The following BMP2K variants were observed in gnomAD, a reference collection of about 807,000 sequenced individuals.
BMP2K encodes the protein BMP-2-inducible protein kinase.
Under a neutral mutation model 116.0 loss-of-function variants are expected in BMP2K, and 74 were observed. The observed-to-expected ratio is 0.64, with a 90% confidence interval of 0.53 to 0.77. BMP2K has a LOEUF of 0.77. Among genes scored for constraint, BMP2K ranks in the 30% least tolerant of loss-of-function variants. The pLI is 0.00. For missense variants in BMP2K, 1,365 were observed against 1,403.6 expected (o/e 0.97, Z 0.44); for synonymous variants, 486 against 502.5 (o/e 0.97, Z 0.44).
At chr4:78,905,587 A>C (rs1254121347) in intron 15 of BMP2K, among the ~76,000 whole-genome samples, 2 of 151,962 alleles carry the variant, frequency 1.3e-5, no homozygotes, top group African/African-American at 4.8e-5. Flanking sequence ...TACTTGAAGA[A>C]CAGCTATTTT....
intron 1 of BMP2K, among the ~76,000 whole-genome samples, chr4:78,797,312 AACTT>A (rs1728344867): frequency 6.6e-6 from 1 of 152,174 alleles, no homozygotes; most frequent in Non-Finnish European, 1.5e-5. Flanking sequence ...AAAGGAAAAA[AACTT>A]ACCCCAAAAG....
chr4:78,912,131 ATTCT>A lies in BMP2K; in HGVS notation c.*100_*103del, dbSNP rs1734669028. 1.9e-6 allele frequency: 2 copies of A among 1,054,394 alleles called. No individual in the cohort carries two copies. Among genetic ancestry groups the A allele is most frequent in the Admixed American group, 4.5e-5 (2 of 43,960 alleles). The allele number at this position is 1,054,394 out of a possible 1,614,324, so 65.3% of individuals were successfully genotyped here. A position where few individuals can be genotyped will look rare whatever the true frequency, so the allele number is the denominator to read the frequency against. On this transcript the variant is annotated 3_prime_UTR_variant, in exon 16 of 16. Transcript: ENST00000502613. The stretch of plus-strand genomic sequence containing the variant: ...AATTTGGTAGCTCTTTATAGCATTC[ATTCT>A]TAAAGATCAGTCAGAATAGGTGATT...
intron 1 of BMP2K, among the ~76,000 whole-genome samples, chr4:78,806,359 G>C (rs1728820433): frequency 6.6e-6 from 1 of 151,744 alleles, no homozygotes. Context: ...ATTTTTTTTT[G>C]TAGAGGTAGA....
In BMP2K at chr4:78,914,352, T is replaced by C. The variant is rs1237005278; in HGVS notation, c.*2319T>C. 1 of 152,076 alleles carries C rather than the reference T, an allele frequency of 6.6e-6. No individual in the cohort carries two copies. Among genetic ancestry groups the C allele is most frequent in the Admixed American group, 6.6e-5 (1 of 15,254 alleles). 9.4% of individuals were successfully genotyped at this position (152,076 alleles called of 1,614,324 possible). On this transcript the variant is annotated 3_prime_UTR_variant, in exon 16 of 16. Transcript: ENST00000502613. ...TTTACATTCTTATAACACAGCACAG[T>C]GACTTTCTTCTTTCAAGATTGTAGC...
rs375188192 is a variant in BMP2K, at chr4:78,915,349, GT to G, written c.*3320del. ...AGCTACTCTGCTTGGTTTATTTTAG[GT>G]TTTGGTACTTCACGTAAGCACTGTT... On this transcript the variant is annotated 3_prime_UTR_variant, in exon 16 of 16. Coordinates refer to ENST00000502613, the MANE Select transcript of BMP2K (RefSeq NM_198892.2). The G allele has an allele frequency of 1.2e-4, 18 of 152,030 alleles. No homozygotes were observed. Among genetic ancestry groups the G allele is most frequent in the African/African-American group, 4.3e-4 (18 of 41,532 alleles). The allele number at this position is 152,030 out of a possible 1,614,324, so 9.4% of individuals were successfully genotyped here. A position where few individuals can be genotyped will look rare whatever the true frequency, so the allele number is the denominator to read the frequency against.
At chr4:78,845,252 A>G (rs889193879) in intron 5 of BMP2K, among the ~76,000 whole-genome samples, 1 of 151,644 alleles carries the variant, frequency 6.6e-6, no homozygotes, top group Non-Finnish European at 1.5e-5. Flanking sequence ...TTTTTAGTCT[A>G]CATTGTAAAC....
chr4:78,776,369 A>G lies in BMP2K; in HGVS notation c.-175A>G, dbSNP rs1727227426. On this transcript the variant is annotated 5_prime_UTR_variant, in exon 1 of 16. Transcript: ENST00000502613. ...CCGGGCAGCTGCAGCGGAGCCGCGG[A>G]GCGGGCGGCGGGGCCCAGGCTGTGC... 3.0e-5 allele frequency: 16 copies of G among 532,966 alleles called. No individual in the cohort carries two copies. In the Admixed American group the frequency reaches 5.1e-4, roughly 17 times the overall value. The allele number at this position is 532,966 out of a possible 1,614,324, so 33.0% of individuals were successfully genotyped here.
At chr4:78,810,522 A>G (rs780681618) in intron 1 of BMP2K, among the ~76,000 whole-genome samples, 8 of 152,224 alleles carry the variant, frequency 5.3e-5, no homozygotes, top group Non-Finnish European at 1.2e-4. Flanking sequence ...CCCTGGTGAT[A>G]GGGCTTTTTG....
At chr4:78,839,565 CTTG>C (rs1473833437) in intron 3 of BMP2K, among the ~76,000 whole-genome samples, 11 of 152,046 alleles carry the variant, frequency 7.2e-5, no homozygotes, top group African/African-American at 2.7e-4. Flanking sequence ...ATTGAAAAAT[CTTG>C]TTGTATTAGT....
At chr4:78,874,142 C>T (rs932803003) in intron 13 of BMP2K, among the ~76,000 whole-genome samples, 2 of 151,856 alleles carry the variant, frequency 1.3e-5, no homozygotes, top group Non-Finnish European at 2.9e-5. Context: ...CATGCCACTG[C>T]ACTCCAGCCT....
chr4:78,792,953 A>G (rs1385222307), intron 1 of BMP2K, among the ~76,000 whole-genome samples: 1 of 152,184 alleles, frequency 6.6e-6, no homozygotes, highest in Non-Finnish European at 1.5e-5. Flanking sequence ...ATCTTTATGT[A>G]CTTCATTCAA....
chr4:78,885,879 CAG>C (rs1733051317), intron 14 of BMP2K, among the ~76,000 whole-genome samples: 1 of 152,110 alleles, frequency 6.6e-6, no homozygotes, highest in Admixed American at 6.5e-5. Flanking sequence ...GTTTTAGAGA[CAG>C]AGTCTCTCTG....
At chr4:78,807,610 G>C (rs1176355869) in intron 1 of BMP2K, among the ~76,000 whole-genome samples, 2 of 150,086 alleles carry the variant, frequency 1.3e-5, no homozygotes, top group African/African-American at 2.5e-5. Flanking sequence ...ACTTGTTATA[G>C]GTCTGTTTAA....
At chr4:78,831,362 A>G (rs907904895) in intron 2 of BMP2K, among the ~76,000 whole-genome samples, 4 of 152,250 alleles carry the variant, frequency 2.6e-5, no homozygotes, top group African/African-American at 7.2e-5. Flanking sequence ...AGCACATGCT[A>G]TTGGAAAAAT....
chr4:78,819,564 A>T (rs1464259353), intron 1 of BMP2K, among the ~76,000 whole-genome samples: 1 of 152,194 alleles, frequency 6.6e-6, no homozygotes, highest in African/African-American at 2.4e-5. Context: ...GAATAGTCCT[A>T]TGAGGAGATC....
rs1731221669 is a variant in BMP2K, at chr4:78,850,944, TA to T, written c.774del (p.Lys258AsnfsTer36). The T allele has an allele frequency of 6.2e-7, 1 of 1,612,240 alleles. No homozygotes were observed. The highest frequency in any genetic ancestry group is 8.5e-7 in the Non-Finnish European group (1 of 1,178,794). On this transcript the variant is annotated frameshift_variant, in exon 7 of 16. Transcript: ENST00000502613. LOFTEE classifies it high-confidence loss of function. The part of the protein sequence containing the change: ...DIWALGCLLY[K>X]LCFFTLPFGE... ...TACAGGCACTGGGATGTCTACTCTA[TA>T]AACTTTGTTTCTTCACTCTTCCTTT...
At chr4:78,819,320 G>C (rs960662259) in intron 1 of BMP2K, among the ~76,000 whole-genome samples, 2 of 152,170 alleles carry the variant, frequency 1.3e-5, no homozygotes, top group African/African-American at 4.8e-5. Context: ...CTCCCAAAGT[G>C]CTGGGATTAC....
chr4:78,898,400 C>A (rs529566605), intron 15 of BMP2K, among the ~76,000 whole-genome samples: 121 of 151,774 alleles, frequency 8.0e-4, no homozygotes, highest in East Asian at 7.8e-4. Flanking sequence ...GTGTATGATT[C>A]TTGAAGAACT....
chr4:78,865,906 G>A, intron 10 of BMP2K, 186 bp downstream of exon 10: 1 of 588,916 alleles, frequency 1.7e-6, no homozygotes, highest in Non-Finnish European at 2.9e-6. Context: ...GTAGGCAAAG[G>A]GAAGTTACTG....
Sources: allele counts gnomAD v4.1 joint callset (sites outside exome capture counted in the v4.1 genomes callset), GRCh38; gene constraint gnomAD v4.1.1; transcripts MANE v1.5; gene names NCBI Gene and HGNC (gene_info 2026-07-23, HGNC 2026-07-21).